BCKDHB: variants seen among roughly 807,000 people sequenced by gnomAD.
The protein encoded by BCKDHB is branched chain keto acid dehydrogenase E1 subunit beta, also known as 2-oxoisovalerate dehydrogenase subunit beta, mitochondrial.
In BCKDHB, 41 loss-of-function variants were observed where a neutral mutation model predicts 48.5. The observed-to-expected ratio is 0.85, with a 90% confidence interval of 0.66 to 1.10. The LOEUF (loss-of-function observed/expected upper bound fraction) is 1.10, where lower values mean the gene tolerates loss of function less well. BCKDHB is among the 50% of genes least tolerant of loss of function. BCKDHB has a pLI of 0.00. For missense variants in BCKDHB, 496 were observed against 494.2 expected (o/e 1.00, Z -0.03); for synonymous variants, 201 against 174.8 (o/e 1.15, Z -1.18).
At chr6:80,405,540 A>G in the BCKDHB span, among the ~76,000 whole-genome samples, 312 of 152,254 alleles carry the variant, frequency 2.0e-3, no homozygotes, top group African/African-American at 7.2e-3. Flanking sequence ...TTAATTATTC[A>G]TAGGTAAGGC....
rs1231688018 is a variant in BCKDHB at position 80,209,913 on chromosome 6, T to TA, written c.951+6702dup. On this transcript the variant is annotated intron_variant, in intron 8 of 9. Transcript: ENST00000320393. The stretch of plus-strand genomic sequence containing the variant: ...CTTATATCTGGAAATATAAAGTACT[T>TA]ACACAATCAAAAAGAAAAGACCAAT... Among the ~76,000 whole-genome samples the TA allele has an allele frequency of 1.3e-4, 20 of 152,032 alleles. No individual in the cohort carries two copies. The East Asian group carries it at 2.9e-3, about 22-fold the overall frequency.
chr6:80,308,916 T>G (rs1326546413), intron 9 of BCKDHB, among the ~76,000 whole-genome samples: 1 of 152,060 alleles, frequency 6.6e-6, no homozygotes, highest in African/African-American at 2.4e-5. Flanking sequence ...GCCATTCACA[T>G]GTATATACCT....
intron 9 of BCKDHB, among the ~76,000 whole-genome samples, chr6:80,292,968 G>A (rs537506580): frequency 2.0e-5 from 3 of 152,340 alleles, no homozygotes; most frequent in Admixed American, 6.5e-5. Context: ...TGCAAGAGGT[G>A]GGTTCCCATG....
At chr6:80,143,284 C>G (rs1398490982) in intron 3 of BCKDHB, among the ~76,000 whole-genome samples, 1 of 152,136 alleles carries the variant, frequency 6.6e-6, no homozygotes, top group Non-Finnish European at 1.5e-5. Context: ...TTAACTGTCT[C>G]AGGAAGTTTG....
chr6:80,128,646 G>GAA (rs1770465178), intron 2 of BCKDHB, among the ~76,000 whole-genome samples: 2 of 152,028 alleles, frequency 1.3e-5, no homozygotes, highest in Admixed American at 6.6e-5. Context: ...TGTGTCTCAG[G>GAA]AAAAACCACA....
At chr6:80,394,221 T>C in the BCKDHB span, among the ~76,000 whole-genome samples, 3 of 152,166 alleles carry the variant, frequency 2.0e-5, no homozygotes, top group Non-Finnish European at 4.4e-5. Context: ...AATTTTCTTA[T>C]GTTTTCTCTA....
At chr6:80,156,783 A>T (rs951777563) in intron 3 of BCKDHB, among the ~76,000 whole-genome samples, 58 of 152,202 alleles carry the variant, frequency 3.8e-4, no homozygotes, top group African/African-American at 1.4e-3. Flanking sequence ...AAACAAAAAC[A>T]GAAAGAGATT....
the BCKDHB span, among the ~76,000 whole-genome samples, chr6:80,382,940 C>T: frequency 7.2e-5 from 11 of 152,164 alleles, no homozygotes; most frequent in East Asian, 1.9e-3. Context: ...TAAGCTTTTG[C>T]TAAGTCATAC....
rs562466068 is a variant in BCKDHB at position 80,284,638 on chromosome 6, G to A, written c.1038+11417G>A. Among the ~76,000 whole-genome samples, 232 of 152,124 alleles carry A rather than the reference G, an allele frequency of 1.5e-3. 1 individual carries two copies. The highest frequency in any genetic ancestry group is 3.1e-3 in the South Asian group (15 of 4,820). ...CTATTTGTCTTTATCAAAATTATTA[G>A]CTGAAAAGGATATAATTCATGACTG... On this transcript the variant is annotated intron_variant, in intron 9 of 9. Transcript: ENST00000320393.
the BCKDHB span, among the ~76,000 whole-genome samples, chr6:80,432,092 G>C: frequency 6.6e-6 from 1 of 151,966 alleles, no homozygotes; most frequent in Admixed American, 6.5e-5. Flanking sequence ...CCCTTTGTGG[G>C]TAACCTGACC....
At chr6:80,414,664 C>T in the BCKDHB span, among the ~76,000 whole-genome samples, 2 of 152,054 alleles carry the variant, frequency 1.3e-5, no homozygotes, top group Admixed American at 6.6e-5. Context: ...TTACTGTAGC[C>T]TTGTACAATT....
chr6:80,374,793 T>C, the BCKDHB span, among the ~76,000 whole-genome samples: 2 of 152,178 alleles, frequency 1.3e-5, no homozygotes, highest in Non-Finnish European at 2.9e-5. Flanking sequence ...ATTTCAAAGA[T>C]TTGTTTTGAG....
intron 8 of BCKDHB, among the ~76,000 whole-genome samples, chr6:80,261,898 A>G (rs979719370): frequency 2.0e-5 from 3 of 151,986 alleles, no homozygotes; most frequent in Admixed American, 6.6e-5. Flanking sequence ...TCCTTTACTA[A>G]TCTTTGAATA....
intron 8 of BCKDHB, among the ~76,000 whole-genome samples, chr6:80,245,771 AT>A (rs1208766392): frequency 6.6e-6 from 1 of 152,068 alleles, no homozygotes; most frequent in Non-Finnish European, 1.5e-5. Flanking sequence ...GGCAAGTATT[AT>A]CCAGTTAGAA....
chr6:80,436,053 T>C, the BCKDHB span, among the ~76,000 whole-genome samples: 2 of 152,102 alleles, frequency 1.3e-5, no homozygotes, highest in East Asian at 3.8e-4. Context: ...ATAGTTTTTA[T>C]TCTCTCAAAT....
At chr6:80,366,098 A>G in the BCKDHB span, among the ~76,000 whole-genome samples, 3 of 152,328 alleles carry the variant, frequency 2.0e-5, no homozygotes, top group African/African-American at 7.2e-5. Context: ...GACCAATGCC[A>G]TAGCCTTGAA....
chr6:80,288,517 A>G (rs1314567027), intron 9 of BCKDHB, among the ~76,000 whole-genome samples: 1 of 152,160 alleles, frequency 6.6e-6, no homozygotes, highest in Non-Finnish European at 1.5e-5. Context: ...ACAGGGATTT[A>G]GAAGCAAATA....
At chr6:80,426,947 A>G in the BCKDHB span, among the ~76,000 whole-genome samples, 1 of 152,036 alleles carries the variant, frequency 6.6e-6, no homozygotes, top group Non-Finnish European at 1.5e-5. Context: ...ATAATTTTGG[A>G]TTTTTATATT....
chr6:80,408,420 G>A, the BCKDHB span, among the ~76,000 whole-genome samples: 1 of 152,152 alleles, frequency 6.6e-6, no homozygotes, highest in Non-Finnish European at 1.5e-5. Flanking sequence ...AATAGCTTCA[G>A]AAGAAATGTT....
Sources: gnomAD v4.1 joint callset for allele counts (sites outside exome capture counted in the v4.1 genomes callset) on GRCh38, gnomAD v4.1.1 for gene constraint, MANE v1.5 for transcripts, NCBI Gene and HGNC (gene_info 2026-07-23, HGNC 2026-07-21) for gene names.